Variants in MACROD2 observed in about 807,000 individuals in gnomAD.
The protein encoded by MACROD2 is ADP-ribose glycohydrolase MACROD2.
MACROD2 carries 36 observed loss-of-function variants against 70.4 expected under a neutral mutation model. That is an observed-to-expected ratio of 0.51 (90% CI 0.39 to 0.68). The LOEUF is 0.68. Among genes scored for constraint, MACROD2 ranks in the 30% least tolerant of loss-of-function variants. The probability of loss-of-function intolerance (pLI) is 0.00; values close to 1 mark genes in which losing one functional copy is unlikely to be tolerated. For synonymous variants in MACROD2, 172 were observed against 178.8 expected, an observed-to-expected ratio of 0.96 and a Z score of 0.30; for missense variants, 496 against 538.4, an observed-to-expected ratio of 0.92 and a Z score of 0.78.
chr20:15,190,372 C>G (rs1325200393), intron 5 of MACROD2, among the ~76,000 whole-genome samples: 1 of 152,110 alleles, frequency 6.6e-6, no homozygotes, highest in East Asian at 1.9e-4. Flanking sequence ...GAGCTCAGTG[C>G]TCATCCCATA....
chr20:14,745,352 T>A, intron 5 of MACROD2, among the ~76,000 whole-genome samples: 1 of 152,204 alleles, frequency 6.6e-6, no homozygotes, highest in East Asian at 1.9e-4. Context: ...TATATGAGTA[T>A]GGTAGAAGAG....
At chr20:15,082,377 C>T (rs429902) in intron 5 of MACROD2, among the ~76,000 whole-genome samples, 119,893 of 151,878 alleles carry the variant, frequency 0.79, 47,519 homozygotes, top group African/African-American at 0.84. Context: ...GAGGCTGTGT[C>T]ATAGAGGAAA....
chr20:15,189,602 C>T (rs987768943), intron 5 of MACROD2, among the ~76,000 whole-genome samples: 5 of 152,116 alleles, frequency 3.3e-5, no homozygotes, highest in Non-Finnish European at 2.9e-5. Context: ...GTGTGTCCCT[C>T]CTTTTTGATG....
chr20:15,861,900 C>A (rs1379353934), intron 8 of MACROD2, among the ~76,000 whole-genome samples: 1 of 152,104 alleles, frequency 6.6e-6, no homozygotes, highest in African/African-American at 2.4e-5. Context: ...CCAGTGAGTG[C>A]TTTTCAATTT....
At chr20:14,650,102 T>C (rs1600498766) in intron 4 of MACROD2, among the ~76,000 whole-genome samples, 1 of 152,164 alleles carries the variant, frequency 6.6e-6, no homozygotes, top group East Asian at 1.9e-4. Flanking sequence ...CACATCCTAC[T>C]ATCAATCTGA....
chr20:14,008,355 A>G (rs541163983), intron 2 of MACROD2, among the ~76,000 whole-genome samples: 1 of 152,268 alleles, frequency 6.6e-6, no homozygotes, highest in Admixed American at 6.5e-5. Context: ...CAAGTCACAA[A>G]TGAGCTCTCA....
intron 6 of MACROD2, among the ~76,000 whole-genome samples, chr20:15,261,636 A>G (rs2077250388): frequency 6.6e-6 from 1 of 151,992 alleles, no homozygotes; most frequent in African/African-American, 2.4e-5. Flanking sequence ...ATGCTTTTTG[A>G]AGAAAAGTCT....
chr20:14,062,408 A>C (rs1224506795), intron 2 of MACROD2, among the ~76,000 whole-genome samples: 3 of 152,182 alleles, frequency 2.0e-5, no homozygotes. Flanking sequence ...TAACATGTTG[A>C]ATGACACAGT....
At chr20:14,076,694 C>A (rs374908608) in intron 2 of MACROD2, among the ~76,000 whole-genome samples, 7 of 151,772 alleles carry the variant, frequency 4.6e-5, no homozygotes, top group African/African-American at 1.7e-4. Context: ...CTTCCACCCC[C>A]CAAAGAAGTA....
intron 8 of MACROD2, among the ~76,000 whole-genome samples, chr20:15,790,149 T>A (rs17705904): frequency 5.5e-4 from 84 of 152,018 alleles, no homozygotes; most frequent in Non-Finnish European, 9.3e-4. Context: ...GACAAACTTA[T>A]AACAGTCTTA....
intron 8 of MACROD2, among the ~76,000 whole-genome samples, chr20:15,609,882 T>C (rs1371482107): frequency 1.3e-5 from 2 of 152,178 alleles, no homozygotes; most frequent in African/African-American, 2.4e-5. Flanking sequence ...AGATTGACCA[T>C]AGTTACTCAA....
At chr20:15,790,819 A>G (rs2063618132) in intron 8 of MACROD2, among the ~76,000 whole-genome samples, 1 of 151,950 alleles carries the variant, frequency 6.6e-6, no homozygotes, top group South Asian at 2.1e-4. Flanking sequence ...ATTAGTTAAT[A>G]TAGAAAAGTA....
intron 8 of MACROD2, among the ~76,000 whole-genome samples, chr20:15,605,488 G>GTGTGTA (rs764594107): frequency 6.6e-6 from 1 of 151,352 alleles, no homozygotes; most frequent in South Asian, 2.1e-4. Flanking sequence ...GTGTGTGTGT[G>GTGTGTA]TATCAGTGTT....
chr20:15,692,652 C>A (rs1043539108), intron 8 of MACROD2, among the ~76,000 whole-genome samples: 5 of 152,078 alleles, frequency 3.3e-5, no homozygotes, highest in African/African-American at 1.2e-4. Flanking sequence ...CCACTTGGCT[C>A]CTGTTGATGG....
intron 6 of MACROD2, among the ~76,000 whole-genome samples, chr20:15,292,095 C>T (rs947800516): frequency 2.5e-4 from 38 of 152,190 alleles, no homozygotes; most frequent in African/African-American, 7.9e-4. Flanking sequence ...AGGCTGAACT[C>T]GGACTCCTGG....
chr20:16,004,744 TTCTC>T (rs1229696135), intron 15 of MACROD2, among the ~76,000 whole-genome samples: 1 of 152,210 alleles, frequency 6.6e-6, no homozygotes, highest in African/African-American at 2.4e-5. Flanking sequence ...GCTTAACTCT[TTCTC>T]TCTCTGGGCA....
intron 5 of MACROD2, among the ~76,000 whole-genome samples, chr20:15,011,414 A>G (rs2075081537): frequency 6.6e-6 from 1 of 152,210 alleles, no homozygotes; most frequent in South Asian, 2.1e-4. Flanking sequence ...ATTTTTAGAT[A>G]ATAATAACTT....
At chr20:15,502,837 A>G (rs1334328499) in intron 8 of MACROD2, among the ~76,000 whole-genome samples, 1 of 152,204 alleles carries the variant, frequency 6.6e-6, no homozygotes, top group Non-Finnish European at 1.5e-5. Flanking sequence ...CACTGTTTGT[A>G]CGTCTTGAGT....
At chr20:14,205,514 C>T (rs909696696) in intron 3 of MACROD2, among the ~76,000 whole-genome samples, 1 of 152,204 alleles carries the variant, frequency 6.6e-6, no homozygotes, top group South Asian at 2.1e-4. Flanking sequence ...CCTGGTGGCT[C>T]CACCCCACCC....
Sources: gnomAD v4.1 joint callset for allele counts (sites outside exome capture counted in the v4.1 genomes callset) on GRCh38, gnomAD v4.1.1 for gene constraint, MANE v1.5 for transcripts, NCBI Gene and HGNC (gene_info 2026-07-23, HGNC 2026-07-21) for gene names.